The following DCDC2 variants were observed in gnomAD, a reference collection of about 807,000 sequenced individuals.
DCDC2 encodes doublecortin domain containing 2, also known as doublecortin domain-containing protein 2.
A neutral mutation model predicts 50.2 loss-of-function variants in DCDC2; 40 were observed. The observed-to-expected ratio is 0.80, with a 90% CI of 0.62 to 1.04. The LOEUF is 1.04. Ranked by LOEUF, DCDC2 falls within the 50% of genes least tolerant of loss-of-function variation. DCDC2 has a pLI of 0.00. For synonymous variants in DCDC2, 234 were observed against 210.6 expected (o/e 1.11, Z -0.96); for missense variants, 570 against 581.9 (o/e 0.98, Z 0.21).
At chr6:24,270,522 C>A (rs145928786) in intron 7 of DCDC2, among the ~76,000 whole-genome samples, 88 of 152,220 alleles carry the variant, frequency 5.8e-4, no homozygotes, top group African/African-American at 2.1e-3. Flanking sequence ...CTACTCTGTG[C>A]GGAATGCTCT....
chr6:24,227,035 A>G (rs528574630), intron 7 of DCDC2, among the ~76,000 whole-genome samples: 1 of 152,302 alleles, frequency 6.6e-6, no homozygotes, highest in Non-Finnish European at 1.5e-5. Flanking sequence ...ACATGACACA[A>G]AGATACACAG....
chr6:24,191,913 A>C (rs1761321392), intron 8 of DCDC2, among the ~76,000 whole-genome samples: 1 of 152,196 alleles, frequency 6.6e-6, no homozygotes, highest in African/African-American at 2.4e-5. Context: ...AAAATGTGAG[A>C]CTGCAGAAAG....
At chr6:24,286,721 A>T (rs79208416) in intron 6 of DCDC2, among the ~76,000 whole-genome samples, 5,339 of 152,150 alleles carry the variant, frequency 0.035, 275 homozygotes, top group African/African-American at 0.12. Context: ...TTCCAACTCA[A>T]CATGTTTGAA....
chr6:24,304,876 G>T (rs1384298298), intron 2 of DCDC2, among the ~76,000 whole-genome samples: 1 of 152,076 alleles, frequency 6.6e-6, no homozygotes, highest in Non-Finnish European at 1.5e-5. Context: ...TGCGATCACA[G>T]CTCACTGTAA....
chr6:24,354,361 A>C (rs1760427541), intron 1 of DCDC2, among the ~76,000 whole-genome samples: 1 of 152,172 alleles, frequency 6.6e-6, no homozygotes, highest in Non-Finnish European at 1.5e-5. Flanking sequence ...TAATATTAAA[A>C]AGTATAAATC....
chr6:24,333,333 T>G (rs375293634), intron 2 of DCDC2, among the ~76,000 whole-genome samples: 1 of 152,056 alleles, frequency 6.6e-6, no homozygotes, highest in East Asian at 1.9e-4. Flanking sequence ...CAAAAGGAAG[T>G]GTTAGACTGT....
chr6:24,349,364 C>T (rs1325937188), intron 2 of DCDC2, among the ~76,000 whole-genome samples: 1 of 152,134 alleles, frequency 6.6e-6, no homozygotes, highest in Non-Finnish European at 1.5e-5. Context: ...GCTTACTCTG[C>T]CCACTGCATT....
intron 7 of DCDC2, among the ~76,000 whole-genome samples, chr6:24,231,473 C>T (rs1009470027): frequency 3.3e-5 from 5 of 152,272 alleles, no homozygotes; most frequent in Middle Eastern, 6.8e-3. Flanking sequence ...AACAAGTTTG[C>T]TTTTAAAAGG....
the DCDC2 span, among the ~76,000 whole-genome samples, chr6:24,365,423 C>T: frequency 3.3e-5 from 5 of 152,276 alleles, no homozygotes; most frequent in East Asian, 7.7e-4. Context: ...TCCTGAGTAG[C>T]TGGGATTACA....
intron 8 of DCDC2, among the ~76,000 whole-genome samples, chr6:24,183,432 C>T (rs1014412377): frequency 1.3e-5 from 2 of 152,108 alleles, no homozygotes; most frequent in Non-Finnish European, 2.9e-5. Flanking sequence ...ACCAGGAAGT[C>T]GAGAGTTTTC....
intron 7 of DCDC2, among the ~76,000 whole-genome samples, chr6:24,248,804 C>T (rs1023248775): frequency 2.0e-5 from 3 of 152,094 alleles, no homozygotes; most frequent in African/African-American, 7.2e-5. Context: ...TTAACTCCTG[C>T]ATAAATATTA....
At chr6:24,218,378 A>G (rs1260830682) in intron 7 of DCDC2, among the ~76,000 whole-genome samples, 1 of 152,238 alleles carries the variant, frequency 6.6e-6, no homozygotes, top group Non-Finnish European at 1.5e-5. Flanking sequence ...AGCATCCACC[A>G]GATTCTGTGT....
chr6:24,358,423 G>A (rs2127258347), upstream of DCDC2: 1 of 153,766 alleles, frequency 6.5e-6, no homozygotes, highest in East Asian at 2.0e-4. Context: ...ACCAGCCTGG[G>A]AAACACAGGG....
chr6:24,262,538 G>A (rs904679615), intron 7 of DCDC2, among the ~76,000 whole-genome samples: 2 of 152,164 alleles, frequency 1.3e-5, no homozygotes, highest in South Asian at 2.1e-4. Flanking sequence ...GTGGCTAAGG[G>A]AGTGCTTGTG....
At chr6:24,286,944 C>T (rs533793524) in intron 6 of DCDC2, among the ~76,000 whole-genome samples, 1 of 152,186 alleles carries the variant, frequency 6.6e-6, no homozygotes, top group Non-Finnish European at 1.5e-5. Context: ...AGTCTAGGCT[C>T]CTTTCCCCTC....
intron 2 of DCDC2, among the ~76,000 whole-genome samples, chr6:24,338,683 T>C (rs372844432): frequency 1.6e-4 from 24 of 152,308 alleles, no homozygotes; most frequent in African/African-American, 5.1e-4. Context: ...TCACTCCTGT[T>C]GCCCAGGCTA....
At chr6:24,196,976 G>C (rs555778236) in intron 8 of DCDC2, among the ~76,000 whole-genome samples, 2 of 152,098 alleles carry the variant, frequency 1.3e-5, no homozygotes, top group East Asian at 3.9e-4. Flanking sequence ...GCAGACCATA[G>C]AGAATGGCTG....
At chr6:24,234,936 C>T (rs1427325584) in intron 7 of DCDC2, among the ~76,000 whole-genome samples, 2 of 152,002 alleles carry the variant, frequency 1.3e-5, no homozygotes, top group Non-Finnish European at 1.5e-5. Flanking sequence ...GAAATGATAA[C>T]AAATAAATAC....
At chr6:24,192,703 C>T (rs1561884624) in intron 8 of DCDC2, among the ~76,000 whole-genome samples, 2 of 151,534 alleles carry the variant, frequency 1.3e-5, no homozygotes, top group African/African-American at 4.8e-5. Flanking sequence ...AAAGTTGAGG[C>T]TTTTATTTTT....
Sources: gnomAD v4.1 joint callset for allele counts (sites outside exome capture counted in the v4.1 genomes callset) on GRCh38, gnomAD v4.1.1 for gene constraint, MANE v1.5 for transcripts, NCBI Gene and HGNC (gene_info 2026-07-23, HGNC 2026-07-21) for gene names.